RNF128: variants seen among roughly 807,000 people sequenced by gnomAD.
RNF128 encodes the protein E3 ubiquitin-protein ligase RNF128.
A neutral mutation model predicts 26.2 loss-of-function variants in RNF128; 13 were observed. The observed-to-expected ratio is 0.50, with a 90% CI of 0.32 to 0.79. The LOEUF (loss-of-function observed/expected upper bound fraction) is 0.79. Ranked by LOEUF, RNF128 falls within the 30% of genes least tolerant of loss-of-function variation. The pLI is 0.03. For missense variants in RNF128, 315 were observed against 349.7 expected, an observed-to-expected ratio of 0.90 and a Z score of 0.79; for synonymous variants, 149 against 142.5, an observed-to-expected ratio of 1.05 and a Z score of -0.32.
intron 5 of RNF128, 140 bp downstream of exon 5, chrX:106,790,422 T>C: frequency 2.8e-6 from 1 of 357,670 alleles, no homozygotes; most frequent in Non-Finnish European, 5.0e-6. Flanking sequence ...TTATATCATA[T>C]AGACAATGAG....
intron 1 of RNF128, among the ~76,000 whole-genome samples, chrX:106,712,882 C>CTT (rs770554444): frequency 0.1 from 9,498 of 95,054 alleles, 1,492 homozygotes; most frequent in African/African-American, 0.37. Context: ...GATAAAGTTA[C>CTT]TTTTTTTTTT....
chrX:106,761,744 T>C (rs763095274), intron 1 of RNF128, among the ~76,000 whole-genome samples: 1 of 110,857 alleles, frequency 9.0e-6, no homozygotes, highest in East Asian at 2.8e-4. Flanking sequence ...GTCCTCTGCT[T>C]ATCTATGTAT....
At chrX:106,713,280 G>A (rs1480820008) in intron 1 of RNF128, among the ~76,000 whole-genome samples, 1 of 110,048 alleles carries the variant, frequency 9.1e-6, no homozygotes, top group African/African-American at 3.3e-5. Context: ...AAGCCAAGGC[G>A]GGTGGATTGC....
At chrX:106,725,108 A>G (rs1929372236), upstream of RNF128, among the ~76,000 whole-genome samples, 4 of 111,898 alleles carry the variant, frequency 3.6e-5, no homozygotes, top group Non-Finnish European at 7.5e-5. Flanking sequence ...GCTCTTCACC[A>G]GCAAAATCAG....
At chrX:106,754,908 G>A (rs1929972811) in intron 1 of RNF128, among the ~76,000 whole-genome samples, 1 of 110,497 alleles carries the variant, frequency 9.1e-6, no homozygotes, top group African/African-American at 3.3e-5. Context: ...AAAATTAGTA[G>A]AAGAAAAGAA....
intron 1 of RNF128, among the ~76,000 whole-genome samples, chrX:106,732,862 A>G (rs1366916623): frequency 9.0e-6 from 1 of 111,609 alleles, no homozygotes; most frequent in Non-Finnish European, 1.9e-5. Context: ...TTATGTCTCC[A>G]ATTAAAATGC....
At position 106,795,759 on chromosome X, in the gene RNF128, GC is replaced by G; in HGVS notation, c.*48del. ...TTGAACCATTAGTAATAACAGAACTGCCAATCAGGGCCTAGTTTCTATTAAT... is the reference window on the plus strand; with the variant it reads ...TTGAACCATTAGTAATAACAGAACTGCAATCAGGGCCTAGTTTCTATTAAT... On this transcript the variant is annotated 3_prime_UTR_variant, in exon 7 of 7. Coordinates refer to ENST00000255499, the MANE Select transcript of RNF128 (RefSeq NM_194463.2). The G allele has an allele frequency of 1.0e-6, 1 of 1,003,440 alleles. No individual in the cohort carries two copies. The highest frequency in any genetic ancestry group is 1.4e-6 in the Non-Finnish European group (1 of 740,095). The allele number at this position is 1,003,440 out of a possible 1,213,427, so 82.7% of individuals were successfully genotyped here.
chrX:106,773,811 G>A (rs911137296), intron 2 of RNF128, among the ~76,000 whole-genome samples: 8 of 111,542 alleles, frequency 7.2e-5, no homozygotes, highest in Non-Finnish European at 1.5e-4. Flanking sequence ...ACCTATGGTT[G>A]TATGGCATTG....
chrX:106,727,475 C>G, intron 1 of RNF128, 78 bp downstream of exon 1: 1 of 1,121,167 alleles, frequency 8.9e-7, no homozygotes, highest in Non-Finnish European at 1.2e-6. Context: ...TTGCCCTCCT[C>G]GTCCTATCCC....
chrX:106,736,610 T>C (rs762503728), intron 1 of RNF128, among the ~76,000 whole-genome samples: 37 of 111,580 alleles, frequency 3.3e-4, no homozygotes, highest in Non-Finnish European at 6.4e-4. Context: ...ATAAATTCTA[T>C]AAAAACCACC....
chrX:106,722,929 C>T (rs1368746850), upstream of RNF128, among the ~76,000 whole-genome samples: 1 of 110,813 alleles, frequency 9.0e-6, no homozygotes, highest in Non-Finnish European at 1.9e-5. Context: ...CTATGGTAGT[C>T]TGATACCTCC....
At chrX:106,754,307 C>T (rs1395942163) in intron 1 of RNF128, among the ~76,000 whole-genome samples, 2 of 108,245 alleles carry the variant, frequency 1.8e-5, no homozygotes, top group African/African-American at 6.7e-5. Flanking sequence ...GCAGCCTAAA[C>T]CTACCAGACT....
At position 106,730,967 on chromosome X, in the gene RNF128, T is replaced by C. The variant is rs753873288; in HGVS notation, c.484+3570T>C. The stretch of plus-strand genomic sequence containing the variant: ...GGTTGTGCTCTGCCAATTAGTATTT[T>C]TTAAATCTTAGGCCAGTTATTTTAC... On this transcript the variant is annotated intron_variant, in intron 1 of 6. Transcript: ENST00000255499. Among the ~76,000 whole-genome samples, 4 of 111,872 alleles carry C rather than the reference T, an allele frequency of 3.6e-5. No homozygotes were observed. In the East Asian group the frequency reaches 8.4e-4, roughly 24 times the overall value.
intron 1 of RNF128, among the ~76,000 whole-genome samples, chrX:106,765,806 T>C (rs1406340988): frequency 1.8e-5 from 2 of 111,281 alleles, no homozygotes; most frequent in East Asian, 5.6e-4. Flanking sequence ...CATGTTGGTG[T>C]GCTGCACCCA....
chrX:106,771,409 G>C (rs1310754657), intron 1 of RNF128, among the ~76,000 whole-genome samples: 2 of 112,536 alleles, frequency 1.8e-5, no homozygotes, highest in Admixed American at 1.9e-4. Context: ...CACCCAGTTT[G>C]AGCTTGCCCG....
chrX:106,730,175 A>T (rs1929478101), intron 1 of RNF128, among the ~76,000 whole-genome samples: 1 of 112,409 alleles, frequency 8.9e-6, no homozygotes, highest in South Asian at 3.7e-4. Flanking sequence ...ACTCCACTAT[A>T]TAAGAGCAAT....
intron 4 of RNF128, among the ~76,000 whole-genome samples, chrX:106,789,252 A>G (rs1442112310): frequency 8.3e-5 from 8 of 96,333 alleles, no homozygotes; most frequent in Admixed American, 2.5e-4. Flanking sequence ...ACTTCCAAAT[A>G]GATGCTCATA....
At chrX:106,704,469 T>C (rs768292786) in intron 1 of RNF128, among the ~76,000 whole-genome samples, 1 of 102,145 alleles carries the variant, frequency 9.8e-6, no homozygotes, top group African/African-American at 3.6e-5. Context: ...TGGGGAGTAG[T>C]CTGGAAACAA....
At chrX:106,719,954 A>G (rs1337924991) in intron 1 of RNF128, among the ~76,000 whole-genome samples, 1 of 110,273 alleles carries the variant, frequency 9.1e-6, no homozygotes, top group Non-Finnish European at 1.9e-5. Flanking sequence ...ACATTTTCCT[A>G]TCCCACTTTC....
Sources: gnomAD v4.1 joint callset for allele counts (sites outside exome capture counted in the v4.1 genomes callset) on GRCh38, gnomAD v4.1.1 for gene constraint, MANE v1.5 for transcripts, NCBI Gene and HGNC (gene_info 2026-07-23, HGNC 2026-07-21) for gene names.